Variants in SFMBT1 observed in about 807,000 individuals in gnomAD.
SFMBT1 encodes the protein Scm like with four mbt domains 1.
In SFMBT1, 32 loss-of-function variants were observed where a neutral mutation model predicts 108.7. The ratio of observed to expected loss-of-function variants is 0.29; its 90% CI spans 0.22 to 0.40. The LOEUF (loss-of-function observed/expected upper bound fraction) is 0.40, where lower values mean the gene tolerates loss of function less well. Among genes scored for constraint, SFMBT1 ranks in the 10% least tolerant of loss-of-function variants. The pLI is 1.00. For missense variants in SFMBT1, 816 were observed against 1,059.6 expected (o/e 0.77, Z 3.19); for synonymous variants, 348 against 369.5 (o/e 0.94, Z 0.67).
chr3:53,022,449 CAA>C (rs34744052), intron 1 of SFMBT1, among the ~76,000 whole-genome samples: 4 of 40,626 alleles, frequency 9.8e-5, no homozygotes, highest in East Asian at 8.0e-4. Flanking sequence ...GGTGCTGTCT[CAA>C]AAAAAAAAAA....
At chr3:52,908,596 A>G (rs970659052) in intron 17 of SFMBT1, among the ~76,000 whole-genome samples, 2 of 151,580 alleles carry the variant, frequency 1.3e-5, no homozygotes, top group African/African-American at 4.9e-5. Flanking sequence ...TTTTTTTGAG[A>G]CAGAGTCTGT....
At chr3:52,964,786 G>C (rs1414791042) in intron 2 of SFMBT1, among the ~76,000 whole-genome samples, 1 of 152,126 alleles carries the variant, frequency 6.6e-6, no homozygotes, top group Non-Finnish European at 1.5e-5. Flanking sequence ...CACATCAGAA[G>C]AACACAGGAA....
intron 1 of SFMBT1, among the ~76,000 whole-genome samples, chr3:53,041,729 A>AAAAAAAAT: frequency 6.9e-6 from 1 of 144,476 alleles, no homozygotes; most frequent in Admixed American, 7.0e-5. Flanking sequence ...AAAAAAAAAA[A>AAAAAAAAT]AATTCTTTTC....
At chr3:52,979,402 C>T (rs1052665834) in intron 1 of SFMBT1, among the ~76,000 whole-genome samples, 2 of 152,204 alleles carry the variant, frequency 1.3e-5, no homozygotes, top group African/African-American at 4.8e-5. Flanking sequence ...GGCAACTCTC[C>T]ACCATGTGAT....
chr3:52,918,377 TA>T, intron 13 of SFMBT1, 106 bp downstream of exon 13: 2 of 850,586 alleles, frequency 2.4e-6, no homozygotes, highest in Non-Finnish European at 3.6e-6. Flanking sequence ...AATGTTGAAT[TA>T]AAAAATTATG....
chr3:52,960,147 C>T (rs1559527286), intron 2 of SFMBT1, among the ~76,000 whole-genome samples: 2 of 151,404 alleles, frequency 1.3e-5, no homozygotes, highest in Non-Finnish European at 2.9e-5. Context: ...ACACATCAAG[C>T]AGAAAAGGCA....
chr3:52,939,271 A>G (rs1425009058), intron 4 of SFMBT1, among the ~76,000 whole-genome samples: 1 of 152,156 alleles, frequency 6.6e-6, no homozygotes, highest in African/African-American at 2.4e-5. Flanking sequence ...TATTTCTGTA[A>G]GGTTTACCTG....
intron 2 of SFMBT1, among the ~76,000 whole-genome samples, chr3:52,959,772 T>C (rs1575403057): frequency 6.6e-6 from 1 of 152,342 alleles, no homozygotes; most frequent in East Asian, 1.9e-4. Flanking sequence ...ATACTCTTGT[T>C]AAGTGAGCCA....
intron 4 of SFMBT1, among the ~76,000 whole-genome samples, chr3:52,935,902 A>C (rs1173093699): frequency 1.3e-5 from 2 of 151,816 alleles, no homozygotes; most frequent in African/African-American, 4.8e-5. Flanking sequence ...TTTGTTCTCT[A>C]TGGAGTTTTT....
intron 8 of SFMBT1, among the ~76,000 whole-genome samples, chr3:52,929,340 A>G (rs1331298656): frequency 6.6e-6 from 1 of 152,116 alleles, no homozygotes; most frequent in Non-Finnish European, 1.5e-5. Flanking sequence ...CCCGGGTTCA[A>G]GCGATTCTCT....
At chr3:52,907,008 T>TATTCCAGATGGAA in intron 19 of SFMBT1, 61 bp downstream of exon 19, 1 of 1,541,422 alleles carries the variant, frequency 6.5e-7, no homozygotes. Flanking sequence ...CTAATAATCA[T>TATTCCAGATGGAA]ATTCCAGATG....
At chr3:52,941,452 G>A (rs1703178112) in intron 4 of SFMBT1, among the ~76,000 whole-genome samples, 1 of 151,966 alleles carries the variant, frequency 6.6e-6, no homozygotes, top group Admixed American at 6.6e-5. Flanking sequence ...AAATTAGCTG[G>A]GTGTGGTGGC....
intron 2 of SFMBT1, among the ~76,000 whole-genome samples, chr3:52,964,867 C>T (rs1251037448): frequency 6.6e-6 from 1 of 152,162 alleles, no homozygotes; most frequent in Non-Finnish European, 1.5e-5. Context: ...TACATTCAAA[C>T]TCATCAAATG....
chr3:52,935,389 T>G (rs73839714), intron 4 of SFMBT1, among the ~76,000 whole-genome samples: 1,957 of 152,332 alleles, frequency 0.013, 45 homozygotes, highest in African/African-American at 0.045. Context: ...TGTTTACATA[T>G]TGTCTGTGGC....
intron 8 of SFMBT1, among the ~76,000 whole-genome samples, chr3:52,929,322 C>A (rs1354241985): frequency 6.6e-6 from 1 of 152,180 alleles, no homozygotes; most frequent in Non-Finnish European, 1.5e-5. Context: ...TCACCGTAAC[C>A]TCCGCCTCCC....
chr3:52,943,628 T>C, intron 3 of SFMBT1, 35 bp from the exon 4 acceptor site: 1 of 1,613,962 alleles, frequency 6.2e-7, no homozygotes, highest in South Asian at 1.1e-5. Context: ...ACCAGACAAG[T>C]ATCTTAAATG....
chr3:53,032,319 G>A (rs987353516), intron 1 of SFMBT1, among the ~76,000 whole-genome samples: 4 of 152,112 alleles, frequency 2.6e-5, no homozygotes, highest in African/African-American at 9.7e-5. Context: ...GCAGTGAGCC[G>A]GGATCACACC....
intron 1 of SFMBT1, among the ~76,000 whole-genome samples, chr3:53,037,165 C>T (rs561507708): frequency 1.2e-4 from 19 of 152,228 alleles, no homozygotes; most frequent in African/African-American, 3.9e-4. Context: ...TGTGTCTTAC[C>T]GCCCTGACTG....
intron 1 of SFMBT1, among the ~76,000 whole-genome samples, chr3:53,036,086 T>A (rs1351189897): frequency 6.6e-6 from 1 of 152,034 alleles, no homozygotes; most frequent in Non-Finnish European, 1.5e-5. Context: ...GGAAGTGGGG[T>A]ACAGAATAGA....
Sources: allele counts gnomAD v4.1 joint callset (sites outside exome capture counted in the v4.1 genomes callset), GRCh38; gene constraint gnomAD v4.1.1; transcripts MANE v1.5; gene names NCBI Gene and HGNC (gene_info 2026-07-23, HGNC 2026-07-21).